CDC73: variants seen among roughly 807,000 people sequenced by gnomAD.
CDC73 encodes the protein cell division cycle 73, also known as parafibromin.
A neutral mutation model predicts 83.7 loss-of-function variants in CDC73; 21 were observed. The ratio of observed to expected loss-of-function variants is 0.25; its 90% CI spans 0.18 to 0.36. CDC73 has a LOEUF of 0.36. CDC73 is among the 10% of genes least tolerant of loss of function. The pLI, the probability that CDC73 is intolerant of heterozygous loss-of-function variation, is 1.00. For synonymous variants in CDC73, 224 were observed against 212.9 expected, an observed-to-expected ratio of 1.05 and a Z score of -0.45; for missense variants, 342 against 653.3, an observed-to-expected ratio of 0.52 and a Z score of 5.19.
chr1:193,243,796 A>C (rs1229621496), intron 15 of CDC73, among the ~76,000 whole-genome samples: 1 of 152,150 alleles, frequency 6.6e-6, no homozygotes, highest in African/African-American at 2.4e-5. Flanking sequence ...TTTATGTCTG[A>C]TGAAGAGACT....
intron 13 of CDC73, among the ~76,000 whole-genome samples, chr1:193,217,757 G>T (rs142281521): frequency 6.6e-6 from 1 of 152,212 alleles, no homozygotes; most frequent in African/African-American, 2.4e-5. Flanking sequence ...AAGCAGAAGT[G>T]CCTGTCCTCA....
chr1:193,203,648 T>C (rs187067268), intron 10 of CDC73, 147 bp from the exon 11 acceptor site: 1 of 666,616 alleles, frequency 1.5e-6, no homozygotes, highest in East Asian at 2.8e-5. Flanking sequence ...TCTTAAACTG[T>C]AGGTCATAAC....
chr1:193,214,970 T>C (rs1438163380), intron 13 of CDC73, among the ~76,000 whole-genome samples: 1 of 152,202 alleles, frequency 6.6e-6, no homozygotes, highest in Non-Finnish European at 1.5e-5. Flanking sequence ...TAGATGAATA[T>C]ACAACACGCC....
intron 15 of CDC73, among the ~76,000 whole-genome samples, chr1:193,243,461 G>A (rs1262530752): frequency 6.6e-6 from 1 of 151,980 alleles, no homozygotes; most frequent in Middle Eastern, 3.2e-3. Context: ...CTATTCTGGT[G>A]GAAAAATAAA....
intron 8 of CDC73, among the ~76,000 whole-genome samples, chr1:193,148,707 C>T (rs770899381): frequency 2.9e-5 from 4 of 137,260 alleles, no homozygotes; most frequent in Middle Eastern, 4.2e-3. Context: ...GTCAGTGGCA[C>T]GATCTTGGCT....
Position 193,233,101 on chromosome 1 carries a change from T to A in CDC73, c.1263T>A (p.Val421=). The A allele has an allele frequency of 1.2e-6, 2 of 1,613,668 alleles. No individual in the cohort carries two copies. Among genetic ancestry groups the A allele is most frequent in the Non-Finnish European group, 1.7e-6 (2 of 1,179,606 alleles). Residue 421 remains valine, a synonymous_variant, in exon 14 of 17, where the codon GTT becomes GTA. Coordinates refer to ENST00000367435, the MANE Select transcript of CDC73 (RefSeq NM_024529.5). ...AACCAGGGGGCACTGCAATTAGTGT[T>A]ACAGTACCTTATAGAGTAGTAGACC... ...QMQPGGTAIS[V]TVPYRVVDQP...
chr1:193,136,446 T>C (rs879119821), intron 5 of CDC73: 10 of 252,444 alleles, frequency 4.0e-5, no homozygotes, highest in South Asian at 1.0e-4. Context: ...TTCATTGTTA[T>C]TGCTCTATGC....
intron 10 of CDC73, among the ~76,000 whole-genome samples, chr1:193,172,039 G>A (rs549839626): frequency 5.9e-5 from 9 of 152,008 alleles, no homozygotes; most frequent in Admixed American, 2.6e-4. Flanking sequence ...ATTTTCCTGC[G>A]TCAGCCTACC....
At chr1:193,232,035 G>A (rs889341163) in intron 13 of CDC73, among the ~76,000 whole-genome samples, 2 of 152,092 alleles carry the variant, frequency 1.3e-5, no homozygotes, top group African/African-American at 4.8e-5. Context: ...TTTTACAGGT[G>A]GTAATAGCTA....
intron 13 of CDC73, among the ~76,000 whole-genome samples, chr1:193,223,787 T>C (rs1053826172): frequency 2.0e-5 from 3 of 152,234 alleles, no homozygotes; most frequent in African/African-American, 7.2e-5. Context: ...TCCTCTCTTT[T>C]CACTTGGTCT....
chr1:193,155,399 A>G (rs773998766), intron 10 of CDC73, among the ~76,000 whole-genome samples: 2 of 152,204 alleles, frequency 1.3e-5, no homozygotes, highest in African/African-American at 2.4e-5. Flanking sequence ...GGCCCAAGCC[A>G]TGAAATTGTT....
intron 6 of CDC73, 39 bp from the exon 7 acceptor site, chr1:193,141,811 A>G (rs1364550394): frequency 7.9e-6 from 10 of 1,263,896 alleles, no homozygotes; most frequent in Non-Finnish European, 1.1e-5. Flanking sequence ...CACTCCAGGA[A>G]TGCCTGCTGT....
intron 11 of CDC73, 102 bp from the exon 12 acceptor site, chr1:193,211,963 A>G: frequency 4.7e-6 from 4 of 854,890 alleles, no homozygotes; most frequent in Non-Finnish European, 7.7e-6. Flanking sequence ...AGTTAGTCAT[A>G]TGGGAATACA....
intron 10 of CDC73, among the ~76,000 whole-genome samples, chr1:193,156,155 C>A (rs1676203788): frequency 6.6e-6 from 1 of 152,112 alleles, no homozygotes; most frequent in African/African-American, 2.4e-5. Context: ...TGCAAGGAAC[C>A]AATTTATGGT....
rs1678091074 is a variant in CDC73, at chr1:193,254,014, C to CA, written c.*3304dup. On this transcript the variant is annotated 3_prime_UTR_variant, in exon 17 of 17. Coordinates refer to ENST00000367435, the MANE Select transcript of CDC73 (RefSeq NM_024529.5). ...ATATTTTATAATATTACAAATACAA[C>CA]AATTATTTATAAAAGCTAGTCAAAT... 1 of 222,002 alleles carries CA rather than the reference C, an allele frequency of 4.5e-6. No individual in the cohort carries two copies. The highest frequency in any genetic ancestry group is 2.2e-5 in the African/African-American group (1 of 44,716). The allele number at this position is 222,002 out of a possible 1,614,324, so 13.8% of individuals were successfully genotyped here. A position where few individuals can be genotyped will look rare whatever the true frequency, so the allele number is the denominator to read the frequency against.
chr1:193,230,332 A>G (rs1338560006), intron 13 of CDC73, among the ~76,000 whole-genome samples: 1 of 151,770 alleles, frequency 6.6e-6, no homozygotes, highest in Non-Finnish European at 1.5e-5. Flanking sequence ...TATATTTAGT[A>G]GAGACGGGAT....
intron 15 of CDC73, among the ~76,000 whole-genome samples, chr1:193,241,285 G>A (rs6667670): frequency 0.13 from 20,182 of 152,266 alleles, 1,588 homozygotes; most frequent in Middle Eastern, 0.2. Flanking sequence ...AGTGGTGTCT[G>A]TGGTTTCCTC....
chr1:193,188,955 GTTTT>G (rs552692219), intron 10 of CDC73, among the ~76,000 whole-genome samples: 1 of 137,536 alleles, frequency 7.3e-6, no homozygotes. Flanking sequence ...CTGTCTGTCT[GTTTT>G]TTTTTTTTTT....
At position 193,212,542 on chromosome 1, in the gene CDC73, C is replaced by G; in HGVS notation, c.1154+65C>G. 3 of 1,069,004 alleles carry G rather than the reference C, an allele frequency of 2.8e-6. No homozygotes were observed. In the South Asian group the frequency reaches 4.3e-5, roughly 15 times the overall value. 66.2% of individuals were successfully genotyped at this position (1,069,004 alleles called of 1,614,324 possible). A position where few individuals can be genotyped will look rare whatever the true frequency, so the allele number is the denominator to read the frequency against. ...AGATACCATTGGAAAATAGTAGTTA[C>G]TGAATCAGTATTACTTATTTGGAAA... is the stretch of plus-strand genomic sequence containing the variant. On this transcript the variant is annotated intron_variant, in intron 13 of 16. Coordinates refer to ENST00000367435, the MANE Select transcript of CDC73 (RefSeq NM_024529.5).
Sources: gnomAD v4.1 joint callset for allele counts (sites outside exome capture counted in the v4.1 genomes callset) on GRCh38, gnomAD v4.1.1 for gene constraint, MANE v1.5 for transcripts, NCBI Gene and HGNC (gene_info 2026-07-23, HGNC 2026-07-21) for gene names.